The following UGT1A9 variants were observed in gnomAD, a reference collection of about 807,000 sequenced individuals.
UGT1A9 encodes UDP glucuronosyltransferase family 1 member A9, also known as UDP-glucuronosyltransferase 1A9.
Under a neutral mutation model 45.0 loss-of-function variants are expected in UGT1A9, and 35 were observed. The ratio of observed to expected loss-of-function variants is 0.78; its 90% CI spans 0.59 to 1.03. The LOEUF is 1.03. Ranked by LOEUF, UGT1A9 falls within the 50% of genes least tolerant of loss-of-function variation. UGT1A9 has a pLI of 0.00. For synonymous variants in UGT1A9, 278 were observed against 250.6 expected (o/e 1.11, Z -1.03); for missense variants, 687 against 666.6 (o/e 1.03, Z -0.34).
Position 233,729,550 on chromosome 2 carries a change from A to C in UGT1A9, c.856-37484A>C, listed in dbSNP as rs780321158. On this transcript the variant is annotated intron_variant, in intron 1 of 4. Transcript: ENST00000354728. ...TAATGAGGCCCTGATCAGGCACCTG[A>C]ATGCTACTTCCTTTGATGTGGTTTT... 8 of 1,614,098 alleles carry C rather than the reference A, an allele frequency of 5.0e-6. No homozygotes were observed. Among genetic ancestry groups the C allele is most frequent in the African/African-American group, 1.3e-5 (1 of 75,014 alleles).
intron 1 of UGT1A9, among the ~76,000 whole-genome samples, chr2:233,727,911 G>A (rs1410482516): frequency 1.3e-5 from 2 of 152,196 alleles, no homozygotes; most frequent in Non-Finnish European, 2.9e-5. Context: ...AGAAGACACA[G>A]GGGCAGTGAG....
intron 1 of UGT1A9, among the ~76,000 whole-genome samples, chr2:233,694,890 G>A (rs1289653147): frequency 6.6e-6 from 1 of 152,210 alleles, no homozygotes; most frequent in African/African-American, 2.4e-5. Flanking sequence ...GGGGGTTCAT[G>A]TGATATTTTG....
At chr2:233,748,424 C>G (rs1693941657) in intron 1 of UGT1A9, among the ~76,000 whole-genome samples, 1 of 151,772 alleles carries the variant, frequency 6.6e-6, no homozygotes, top group Non-Finnish European at 1.5e-5. Flanking sequence ...CTTGACCCAT[C>G]TGGATTTTTT....
rs117456176 is a variant in UGT1A9 at position 233,727,764 on chromosome 2, G to C, written c.856-39270G>C. On this transcript the variant is annotated intron_variant, in intron 1 of 4. Transcript: ENST00000354728. Reference sequence around the variant, plus strand: ...CCTGCGTGTGCTGCCCTTGAGCTGGGTGTCCCCCAGTAGACGCTTCCATTC... The same window carrying C: ...CCTGCGTGTGCTGCCCTTGAGCTGGCTGTCCCCCAGTAGACGCTTCCATTC... 6.8e-4 allele frequency among the ~76,000 whole-genome samples: 104 copies of C among 152,302 alleles called. No individual in the cohort carries two copies. The East Asian group carries it at 0.02, about 29-fold the overall frequency.
intron 1 of UGT1A9, chr2:233,713,305 ATCT>A (rs761507156): frequency 1.2e-6 from 2 of 1,614,274 alleles, no homozygotes; most frequent in Non-Finnish European, 1.7e-6. Flanking sequence ...GAAACAGAAC[ATCT>A]TCTGATGAAA....
chr2:233,720,145 C>T (rs1311808159), intron 1 of UGT1A9, among the ~76,000 whole-genome samples: 2 of 152,118 alleles, frequency 1.3e-5, no homozygotes, highest in Non-Finnish European at 2.9e-5. Context: ...CCTAGGCACT[C>T]ACAGGAAGTA....
At chr2:233,724,372 TGCCGGGC>T (rs1434550848) in intron 1 of UGT1A9, among the ~76,000 whole-genome samples, 1 of 143,294 alleles carries the variant, frequency 7.0e-6, no homozygotes, top group Non-Finnish European at 1.5e-5. Context: ...ACGGGGTGGC[TGCCGGGC>T]GGAGACGCTC....
intron 1 of UGT1A9, among the ~76,000 whole-genome samples, chr2:233,681,085 G>A (rs908255468): frequency 6.6e-6 from 1 of 151,700 alleles, no homozygotes; most frequent in Non-Finnish European, 1.5e-5. Flanking sequence ...TGGCTCACCT[G>A]TGTCTCTGCA....
At position 233,747,709 on chromosome 2, in the gene UGT1A9, C is replaced by G. The variant is rs1194057066; in HGVS notation, c.856-19325C>G. On this transcript the variant is annotated intron_variant, in intron 1 of 4. Transcript: ENST00000354728. ...GGGGCAGTGCTGGCTAAGTACCTAT[C>G]AATTCCTGCTGTGTTTTTTTTGAGG... 13 of 1,612,750 alleles carry G rather than the reference C, an allele frequency of 8.1e-6. No individual in the cohort carries two copies. The African/African-American group carries it at 1.5e-4, about 18-fold the overall frequency.
chr2:233,742,455 G>T (rs1191068486), intron 1 of UGT1A9, among the ~76,000 whole-genome samples: 6 of 151,916 alleles, frequency 3.9e-5, no homozygotes, highest in African/African-American at 1.5e-4. Context: ...GGTGTTCCTT[G>T]CCCTTATTCC....
At chr2:233,740,906 T>C (rs1395590000) in intron 1 of UGT1A9, 5 of 141,866 alleles carry the variant, frequency 3.5e-5, no homozygotes, top group East Asian at 3.9e-4. Flanking sequence ...TAGGTCAACA[T>C]TGTTCCCATC....
intron 1 of UGT1A9, among the ~76,000 whole-genome samples, chr2:233,710,713 A>AT: frequency 6.6e-6 from 1 of 152,088 alleles, no homozygotes; most frequent in Non-Finnish European, 1.5e-5. Context: ...CCTTTGTTTC[A>AT]TTTTTTAAAA....
At chr2:233,693,184 G>A (rs1457518108) in intron 1 of UGT1A9, 2 of 1,614,016 alleles carry the variant, frequency 1.2e-6, no homozygotes, top group African/African-American at 1.3e-5. Flanking sequence ...TAGTGGTGGT[G>A]CCTGAAGTTA....
chr2:233,694,567 T>C (rs1308269202), intron 1 of UGT1A9, among the ~76,000 whole-genome samples: 1 of 152,220 alleles, frequency 6.6e-6, no homozygotes, highest in Non-Finnish European at 1.5e-5. Context: ...GAGTTTTAAA[T>C]TTCAATGTAA....
At chr2:233,678,916 G>A (rs190538655) in intron 1 of UGT1A9, among the ~76,000 whole-genome samples, 1 of 152,110 alleles carries the variant, frequency 6.6e-6, no homozygotes, top group Non-Finnish European at 1.5e-5. Context: ...GTGAAGTCAT[G>A]TGCAACATCT....
chr2:233,717,190 G>A (rs932422253), intron 1 of UGT1A9, among the ~76,000 whole-genome samples: 1 of 152,160 alleles, frequency 6.6e-6, no homozygotes, highest in African/African-American at 2.4e-5. Flanking sequence ...ACCCTCCCAG[G>A]CATGTTCCAC....
At chr2:233,693,702 C>T in intron 1 of UGT1A9, 1 of 1,614,214 alleles carries the variant, frequency 6.2e-7, no homozygotes, top group Middle Eastern at 1.6e-4. Context: ...GAAGAACTCG[C>T]ATCAGCTGTC....
intron 1 of UGT1A9, chr2:233,755,373 C>A (rs534555830): frequency 2.8e-6 from 1 of 357,666 alleles, no homozygotes; most frequent in South Asian, 2.2e-5. Context: ...GCCTGGAGGG[C>A]CGCCCCTTAT....
intron 1 of UGT1A9, among the ~76,000 whole-genome samples, chr2:233,680,256 G>T (rs1055493674): frequency 6.6e-6 from 1 of 152,062 alleles, no homozygotes; most frequent in Admixed American, 6.6e-5. Flanking sequence ...CACTAAACAT[G>T]ATGAAAAATA....
Sources: gnomAD v4.1 joint callset for allele counts (sites outside exome capture counted in the v4.1 genomes callset) on GRCh38, gnomAD v4.1.1 for gene constraint, MANE v1.5 for transcripts, NCBI Gene and HGNC (gene_info 2026-07-23, HGNC 2026-07-21) for gene names.